The following ABL2 variants were observed in gnomAD, a reference collection of about 807,000 sequenced individuals.
The protein encoded by ABL2 is ABL proto-oncogene 2, non-receptor tyrosine kinase.
A neutral mutation model predicts 107.7 loss-of-function variants in ABL2; 49 were observed. That is an observed-to-expected ratio of 0.45 (90% CI 0.36 to 0.58). The LOEUF is 0.58. Ranked by LOEUF, ABL2 falls within the 20% of genes least tolerant of loss-of-function variation. ABL2 has a pLI of 0.00. For missense variants in ABL2, 1,245 were observed against 1,457.0 expected (o/e 0.85, Z 2.37); for synonymous variants, 549 against 548.6 (o/e 1.00, Z -0.01).
At chr1:179,217,312 T>A (rs1662620598) in intron 1 of ABL2, among the ~76,000 whole-genome samples, 1 of 145,850 alleles carries the variant, frequency 6.9e-6, no homozygotes, top group African/African-American at 2.5e-5. Context: ...AGACTCCATC[T>A]CAAAAAAAAA....
intron 4 of ABL2, among the ~76,000 whole-genome samples, chr1:179,124,625 T>C (rs1655571863): frequency 6.6e-6 from 1 of 152,006 alleles, no homozygotes; most frequent in African/African-American, 2.4e-5. Context: ...CGTGCCACCA[T>C]GCCAGGCCAA....
intron 1 of ABL2, 68 bp downstream of exon 1, chr1:179,229,173 A>ACCCCCCCCCCCCCCCCCCCC: frequency 9.0e-6 from 2 of 223,208 alleles, no homozygotes; most frequent in East Asian, 9.2e-5. Flanking sequence ...CCCGTCCGCC[A>ACCCCCCCCCCCCCCCCCCCC]CCCACCCCGC....
chr1:179,208,377 C>A (rs1662094203), intron 1 of ABL2, among the ~76,000 whole-genome samples: 2 of 151,954 alleles, frequency 1.3e-5, no homozygotes, highest in South Asian at 4.2e-4. Context: ...TGCTCAGCTC[C>A]CACTTATAAG....
At chr1:179,194,797 G>GA (rs149252762) in intron 1 of ABL2, among the ~76,000 whole-genome samples, 1 of 151,544 alleles carries the variant, frequency 6.6e-6, no homozygotes, top group Admixed American at 6.6e-5. Flanking sequence ...TATGCTTAAA[G>GA]AAAAAAAGAG....
intron 1 of ABL2, among the ~76,000 whole-genome samples, chr1:179,226,386 G>A (rs1233237803): frequency 2.1e-5 from 3 of 144,082 alleles, no homozygotes; most frequent in East Asian, 2.1e-4. Flanking sequence ...TTGGCTCACT[G>A]CAACCTCCAC....
chr1:179,195,363 G>A (rs1388895676), intron 1 of ABL2, among the ~76,000 whole-genome samples: 4 of 152,054 alleles, frequency 2.6e-5, no homozygotes, highest in East Asian at 1.9e-4. Flanking sequence ...AAACACACAC[G>A]AACACAGAAA....
chr1:179,105,739 T>C lies in ABL2; in HGVS notation c.*1979A>G, dbSNP rs1290835253. On this transcript the variant is annotated 3_prime_UTR_variant, in exon 12 of 12. Coordinates refer to ENST00000502732, the MANE Select transcript of ABL2 (RefSeq NM_007314.4). The stretch of plus-strand genomic sequence containing the variant: ...GAATCAAGGTTTCCTTTCTTTCCAA[T>C]GAAAACTCAATTTTGTTCTTGGTCA... 2 of 225,968 alleles carry C rather than the reference T, an allele frequency of 8.9e-6. No individual in the cohort carries two copies. Among genetic ancestry groups the C allele is most frequent in the Non-Finnish European group, 1.8e-5 (2 of 113,562 alleles). 14.0% of individuals were successfully genotyped at this position (225,968 alleles called of 1,614,324 possible). A position where few individuals can be genotyped will look rare whatever the true frequency, so the allele number is the denominator to read the frequency against.
chr1:179,170,852 C>T (rs1659678623), intron 1 of ABL2, among the ~76,000 whole-genome samples: 1 of 151,884 alleles, frequency 6.6e-6, no homozygotes, highest in Admixed American at 6.6e-5. Flanking sequence ...GCCTCGGCCT[C>T]CCAAAATGCT....
Position 179,102,240 on chromosome 1 carries a change from T to C in ABL2, c.*5478A>G, listed in dbSNP as rs1015784333. On this transcript the variant is annotated 3_prime_UTR_variant, in exon 12 of 12. Transcript: ENST00000502732. ...GTTAGCCAGGATGGTCTCAATCTCCTGACCTCGTGATCCACCCGCCTCAGC... is the reference window on the plus strand; with the variant it reads ...GTTAGCCAGGATGGTCTCAATCTCCCGACCTCGTGATCCACCCGCCTCAGC... 5 of 175,314 alleles carry C rather than the reference T, an allele frequency of 2.9e-5. No individual in the cohort carries two copies. The highest frequency in any genetic ancestry group is 4.8e-5 in the African/African-American group (2 of 42,098). 10.9% of individuals were successfully genotyped at this position (175,314 alleles called of 1,614,324 possible).
At chr1:179,217,639 A>AG (rs1558006142) in intron 1 of ABL2, among the ~76,000 whole-genome samples, 1 of 151,936 alleles carries the variant, frequency 6.6e-6, no homozygotes, top group Admixed American at 6.6e-5. Context: ...AAAAAAAAAA[A>AG]AGAAAAGAAA....
intron 1 of ABL2, among the ~76,000 whole-genome samples, chr1:179,220,639 T>C (rs969787890): frequency 1.3e-5 from 2 of 152,248 alleles, no homozygotes; most frequent in Non-Finnish European, 2.9e-5. Flanking sequence ...AGTGCTTTAA[T>C]CTCTGCTGAA....
At chr1:179,201,959 C>A in intron 1 of ABL2, 2 of 1,156,934 alleles carry the variant, frequency 1.7e-6, no homozygotes, top group Non-Finnish European at 1.1e-6. Flanking sequence ...CCAGCCAGGG[C>A]TCAATCTCAG....
chr1:179,143,790 G>A (rs1267270833), intron 1 of ABL2, among the ~76,000 whole-genome samples: 3 of 152,130 alleles, frequency 2.0e-5, no homozygotes, highest in East Asian at 1.9e-4. Context: ...TCTACCTCAC[G>A]GGTTCAAGTG....
At chr1:179,149,775 T>TA (rs1478924549) in intron 1 of ABL2, among the ~76,000 whole-genome samples, 5 of 152,342 alleles carry the variant, frequency 3.3e-5, no homozygotes, top group Admixed American at 3.3e-4. Flanking sequence ...TGTTGAGACC[T>TA]ACAGCTCAGA....
chr1:179,131,542 A>C, intron 2 of ABL2, 61 bp from the exon 3 acceptor site: 3 of 1,524,658 alleles, frequency 2.0e-6, no homozygotes, highest in Non-Finnish European at 2.7e-6. Flanking sequence ...CATTTGTTTG[A>C]ATTCATTATA....
chr1:179,188,174 A>G (rs955698655), intron 1 of ABL2, among the ~76,000 whole-genome samples: 2 of 152,192 alleles, frequency 1.3e-5, no homozygotes, highest in African/African-American at 4.8e-5. Context: ...CTCAAAAGCC[A>G]AAAGTTTGAC....
intron 2 of ABL2, among the ~76,000 whole-genome samples, chr1:179,132,857 C>G (rs377187705): frequency 1.7e-5 from 2 of 116,670 alleles, no homozygotes; most frequent in African/African-American, 6.7e-5. Flanking sequence ...ATTCCCCGTC[C>G]GCACCCCTCT....
rs9726461 is a variant in ABL2, at chr1:179,110,262, A to T, written c.1825+20T>A. The T allele has an allele frequency of 1.3e-5, 21 of 1,613,772 alleles. No individual in the cohort carries two copies. In the South Asian group the frequency reaches 1.6e-4, roughly 13 times the overall value. ...ACAAGGCAGTTTCTATTTTGATTCT[A>T]CCTGCTAAGGGACCCATACCTGGTG... is the stretch of plus-strand genomic sequence containing the variant. On this transcript the variant is annotated intron_variant, in intron 11 of 11. Transcript: ENST00000502732.
At chr1:179,198,490 C>T (rs1243321964) in intron 1 of ABL2, among the ~76,000 whole-genome samples, 1 of 151,854 alleles carries the variant, frequency 6.6e-6, no homozygotes, top group Non-Finnish European at 1.5e-5. Context: ...GCCAAGAGTT[C>T]GAGACCAGCC....
Sources: allele counts gnomAD v4.1 joint callset (sites outside exome capture counted in the v4.1 genomes callset), GRCh38; gene constraint gnomAD v4.1.1; transcripts MANE v1.5; gene names NCBI Gene and HGNC (gene_info 2026-07-23, HGNC 2026-07-21).